C3: variants seen among roughly 807,000 people sequenced by gnomAD.
The protein encoded by C3 is C3 and PZP-like alpha-2-macroglobulin domain-containing protein 1.
C3 carries 97 observed loss-of-function variants against 207.9 expected under a neutral mutation model. The ratio of observed to expected loss-of-function variants is 0.47; its 90% CI spans 0.40 to 0.55. The LOEUF (loss-of-function observed/expected upper bound fraction) is 0.55, where lower values mean the gene tolerates loss of function less well. Among genes scored for constraint, C3 ranks in the 20% least tolerant of loss-of-function variants. C3 has a pLI of 0.00. For synonymous variants in C3, 848 were observed against 857.6 expected (o/e 0.99, Z 0.20); for missense variants, 1,684 against 2,171.7 (o/e 0.78, Z 4.46).
chr19:6,700,537 T>G (rs542351266), intron 19 of C3, among the ~76,000 whole-genome samples: 1 of 39,640 alleles, frequency 2.5e-5, no homozygotes, highest in Non-Finnish European at 3.8e-5. Flanking sequence ...TATGATATAT[T>G]ATATATGTAA....
chr19:6,710,619 C>G lies in C3; in HGVS notation c.1686+20G>C. 6.2e-7 allele frequency: 1 copy of G among 1,601,964 alleles called. No homozygotes were observed. The highest frequency in any genetic ancestry group is 8.5e-7 in the Non-Finnish European group (1 of 1,171,808). ...AGTAGGGAGAGGGAGAGGGGGCGAG[C>G]GAGCCCAGGGCACACTTACCGAGCC... On this transcript the variant is annotated intron_variant, in intron 13 of 40. Transcript: ENST00000245907.
At chr19:6,686,522 C>A (rs1448998317) in intron 28 of C3, 1 of 725,024 alleles carries the variant, frequency 1.4e-6, no homozygotes, top group African/African-American at 1.7e-5. Flanking sequence ...ACGCAACAAA[C>A]TTTCTCGTGT....
At chr19:6,688,465 C>G (rs1010521244) in intron 27 of C3, among the ~76,000 whole-genome samples, 5 of 152,080 alleles carry the variant, frequency 3.3e-5, no homozygotes, top group Admixed American at 1.3e-4. Flanking sequence ...TATTTAATGA[C>G]CAGCTTGAAA....
chr19:6,718,255 C>T lies in C3; in HGVS notation c.425G>A (p.Gly142Asp), dbSNP rs1458388275. The T allele has an allele frequency of 1.9e-6, 3 of 1,614,200 alleles. No homozygotes were observed. Among genetic ancestry groups the T allele is most frequent in the Non-Finnish European group, 2.5e-6 (3 of 1,180,036 alleles). ...IQTDKTIYTPGSTVLYRIFTV... is the reference protein window; with the variant it reads ...IQTDKTIYTPDSTVLYRIFTV... ...GCCGCCCCCAGCCTCACCTGTGGAG[C>T]CAGGGGTGTAGATGGTCTTGTCTGT... Residue 142 changes from glycine to aspartate, a missense_variant, in exon 3 of 41, where the codon GGC becomes GAC. Coordinates refer to ENST00000245907, the MANE Select transcript of C3 (RefSeq NM_000064.4).
chr19:6,708,575 CCTT>C (rs1357242790), intron 14 of C3, among the ~76,000 whole-genome samples: 2 of 149,838 alleles, frequency 1.3e-5, no homozygotes, highest in Non-Finnish European at 3.0e-5. Flanking sequence ...TTCCTTCCTT[CCTT>C]CTTTCCTTCC....
Position 6,702,536 on chromosome 19 carries a change from G to A in C3, c.2289C>T (p.Ser763=). 1 of 1,614,164 alleles carries A rather than the reference G, an allele frequency of 6.2e-7. No individual in the cohort carries two copies. Among genetic ancestry groups the A allele is most frequent in the Non-Finnish European group, 8.5e-7 (1 of 1,179,962 alleles). Reference sequence around the variant, plus strand: ...GCCAGCTCTCTGGGAACTCACTTCGGGAAACGATGTTCTCTTCTGCAATGA... The same window carrying A: ...GCCAGCTCTCTGGGAACTCACTTCGAGAAACGATGTTCTCTTCTGCAATGA... ...EDIIAEENIV[S]RSEFPESWLW... is the part of the protein sequence containing the mutation. Residue 763 remains serine (S), a synonymous_variant, in exon 18 of 41, where the codon TCC becomes TCT. Transcript: ENST00000245907.
chr19:6,706,541 G>GGGCATCACCTCATC (rs1967776920), intron 17 of C3, among the ~76,000 whole-genome samples: 2 of 152,198 alleles, frequency 1.3e-5, no homozygotes, highest in African/African-American at 4.8e-5. Context: ...CACGCTGGCA[G>GGGCATCACCTCATC]GGCATCACCT....
At chr19:6,711,516 A>C (rs1967922254) in intron 11 of C3, among the ~76,000 whole-genome samples, 2 of 152,124 alleles carry the variant, frequency 1.3e-5, no homozygotes. Context: ...CCCTGGCGAC[A>C]CTGGAAAAAG....
At chr19:6,713,612 G>C in intron 7 of C3, 103 bp from the exon 8 acceptor site, 1 of 904,458 alleles carries the variant, frequency 1.1e-6, no homozygotes, top group Non-Finnish European at 1.8e-6. Flanking sequence ...CCAACCCACT[G>C]CTGGCCTCTC....
In C3 at chr19:6,713,458, G is replaced by A; in HGVS notation, c.825C>T (p.Ile275=). ...GGGAAATCCTCTGTTCGCCATCCTGGATCCCGAAGATGACAAAGGCAGTTC... is the reference window on the plus strand; with the variant it reads ...GGGAAATCCTCTGTTCGCCATCCTGAATCCCGAAGATGACAAAGGCAGTTC... ...VEGTAFVIFG[I]QDGEQRISLP... Residue 275 remains isoleucine (I), a synonymous_variant, in exon 8 of 41, where the codon ATC becomes ATT. Transcript: ENST00000245907. 6.2e-7 allele frequency: 1 copy of A among 1,613,920 alleles called. No homozygotes were observed. The highest frequency in any genetic ancestry group is 8.5e-7 in the Non-Finnish European group (1 of 1,179,932).
chr19:6,702,774 C>T (rs1967702815), intron 17 of C3, 195 bp from the exon 18 acceptor site: 2 of 536,406 alleles, frequency 3.7e-6, no homozygotes, highest in Admixed American at 2.6e-5. Context: ...TGGCTCACCC[C>T]TGTAATCCCA....
chr19:6,707,278 G>T lies in C3; in HGVS notation c.2048-5C>A. The T allele has an allele frequency of 6.2e-7, 1 of 1,605,032 alleles. No homozygotes were observed. Among genetic ancestry groups the T allele is most frequent in the East Asian group, 2.3e-5 (1 of 44,362 alleles). On this transcript the variant is annotated splice_region_variant and splice_polypyrimidine_tract_variant and intron_variant, in intron 16 of 40. Coordinates refer to ENST00000245907, the MANE Select transcript of C3 (RefSeq NM_000064.4). ...GCTCCTTGGGGTACTTGCCGACTGC[G>T]GGAGCACGTGTTCCCCCAGGCCACA...
At chr19:6,703,690 C>T (rs1476302466) in intron 17 of C3, among the ~76,000 whole-genome samples, 1 of 152,162 alleles carries the variant, frequency 6.6e-6, no homozygotes, top group African/African-American at 2.4e-5. Flanking sequence ...TCTGCTTCCT[C>T]TGAGGGATTT....
At position 6,693,433 on chromosome 19, in the gene C3, A is replaced by G. The variant is rs759701995; in HGVS notation, c.3209T>C (p.Val1070Ala). The G allele has an allele frequency of 3.1e-6, 5 of 1,611,782 alleles. No homozygotes were observed. In the South Asian group the frequency reaches 4.4e-5, roughly 14 times the overall value. ...RQPSSAFAAFVKRAPSTWLTA... is the reference protein window; with the variant it reads ...RQPSSAFAAFAKRAPSTWLTA... ...TCACCAGGTGCTGGGTGCCCGTTTC[A>G]CGAAGGCCGCAAAGGCAGAGCTGGG... Residue 1070 changes from valine (V) to alanine (A), a missense_variant, in exon 25 of 41, where the codon GTG becomes GCG. Physicochemically the swap from Val to Ala is moderately conservative, Grantham distance 64. Around this residue, in one of 3 missense-constraint regions of C3, gnomAD observed 1,280 missense variants for 1,739.1 expected, o/e 0.74. Transcript: ENST00000245907.
chr19:6,690,521 T>C (rs1599504224), intron 27 of C3, 108 bp downstream of exon 27: 1 of 830,296 alleles, frequency 1.2e-6, no homozygotes, highest in East Asian at 2.4e-5. Flanking sequence ...TGTCTGTTAT[T>C]GCACTGGGAG....
At chr19:6,689,128 T>C (rs1475726918) in intron 27 of C3, among the ~76,000 whole-genome samples, 1 of 152,088 alleles carries the variant, frequency 6.6e-6, no homozygotes, top group Non-Finnish European at 1.5e-5. Context: ...CATCAATTTT[T>C]GTATAATCTG....
chr19:6,717,582 T>G (rs544804662), intron 4 of C3: 117 of 244,780 alleles, frequency 4.8e-4, no homozygotes, highest in African/African-American at 2.7e-3. Flanking sequence ...TTGTGTGTGT[T>G]GTGTGTGTTG....
intron 7 of C3, 36 bp from the exon 8 acceptor site, chr19:6,713,545 C>T: frequency 6.6e-7 from 1 of 1,505,706 alleles, no homozygotes; most frequent in Non-Finnish European, 9.2e-7. Context: ...AGGTCCATCC[C>T]TCCTGGAGAA....
At chr19:6,702,064 G>A in intron 19 of C3, 63 bp downstream of exon 19, 2 of 861,148 alleles carry the variant, frequency 2.3e-6, no homozygotes, top group Non-Finnish European at 4.0e-6. Flanking sequence ...TGGATAAAAT[G>A]AGATGACACT....
Sources: gnomAD v4.1 joint callset for allele counts (sites outside exome capture counted in the v4.1 genomes callset) on GRCh38, gnomAD v4.1.1 for gene constraint, gnomAD v4.1.1 regional missense constraint, MANE v1.5 for transcripts, NCBI Gene and HGNC (gene_info 2026-07-23, HGNC 2026-07-21) for gene names.